GATM: variants seen among roughly 807,000 people sequenced by gnomAD.
GATM encodes glycine amidinotransferase.
Under a neutral mutation model 54.2 loss-of-function variants are expected in GATM, and 23 were observed. The ratio of observed to expected loss-of-function variants is 0.42; its 90% CI spans 0.31 to 0.60. GATM has a LOEUF of 0.60. Among genes scored for constraint, GATM ranks in the 20% least tolerant of loss-of-function variants. GATM has a pLI of 0.14. For synonymous variants in GATM, 168 were observed against 183.1 expected (o/e 0.92, Z 0.67); for missense variants, 401 against 544.9 (o/e 0.74, Z 2.63).
intron 3 of GATM, among the ~76,000 whole-genome samples, chr15:45,394,539 G>A (rs767198580): frequency 8.5e-5 from 13 of 152,236 alleles, no homozygotes; most frequent in Admixed American, 7.2e-4. Flanking sequence ...TCTGGGCGTA[G>A]TGTGTTTGCC....
chr15:45,373,585 A>G lies in GATM; in HGVS notation c.288+3016T>C, dbSNP rs868181620. 6.6e-5 allele frequency among the ~76,000 whole-genome samples: 10 copies of G among 152,228 alleles called. No homozygotes were observed. In the South Asian group the frequency reaches 2.1e-3, roughly 32 times the overall value. ...CAGAACAAAAAGTCACAGAGCTTTA[A>G]AAAATTATGCTTCCCAACAATTATG... On this transcript the variant is annotated intron_variant, in intron 2 of 8. Coordinates refer to ENST00000396659, the MANE Select transcript of GATM (RefSeq NM_001482.3).
At chr15:45,369,583 C>A in intron 2 of GATM, 62 bp from the exon 3 acceptor site, 1 of 1,427,298 alleles carries the variant, frequency 7.0e-7, no homozygotes. Context: ...ATGATAGGTT[C>A]ATAGGCAGTA....
At chr15:45,362,283 G>A in intron 8 of GATM, 62 bp from the exon 9 acceptor site, 1 of 1,023,112 alleles carries the variant, frequency 9.8e-7, no homozygotes, top group Non-Finnish European at 1.5e-6. Flanking sequence ...CATAGAGAAA[G>A]TAGGCCTACA....
chr15:45,369,513 T>A lies in GATM; in HGVS notation c.297A>T (p.Thr99=), dbSNP rs1445305823. 4 of 1,613,808 alleles carry A rather than the reference T, an allele frequency of 2.5e-6. No individual in the cohort carries two copies. The South Asian group carries it at 3.3e-5, about 13-fold the overall frequency. The part of the protein sequence containing the change: ...PPFTIEVKAN[T]YEKYWPFYQK... ...GGTAAAATGGCCAGTACTTTTCATA[T>A]GTGTTGGCCTGGAAGTAGAAGCAAA... Residue 99 remains threonine, a synonymous_variant, in exon 3 of 9, where the codon ACA becomes ACT. Coordinates refer to ENST00000396659, the MANE Select transcript of GATM (RefSeq NM_001482.3).
chr15:45,378,148 G>T, intron 1 of GATM: 1 of 470,738 alleles, frequency 2.1e-6, no homozygotes, highest in South Asian at 3.0e-5. Flanking sequence ...GACCCCAAGG[G>T]CTGGAGCCGC....
intron 2 of GATM, chr15:45,373,216 G>A (rs887105049): frequency 6.6e-6 from 1 of 152,156 alleles, no homozygotes; most frequent in African/African-American, 2.4e-5. Flanking sequence ...ACATATTTGA[G>A]GCTGGGCACG....
intron 8 of GATM, among the ~76,000 whole-genome samples, chr15:45,363,279 C>G (rs1566839096): frequency 6.6e-6 from 1 of 152,114 alleles, no homozygotes; most frequent in Non-Finnish European, 1.5e-5. Context: ...AATACACACA[C>G]ACACCCCTTT....
At chr15:45,377,422 C>G (rs1889657746) in intron 1 of GATM, 1 of 378,300 alleles carries the variant, frequency 2.6e-6, no homozygotes, top group Admixed American at 3.5e-5. Flanking sequence ...CAACTGCCAT[C>G]TGCTCCATTT....
intron 3 of GATM, among the ~76,000 whole-genome samples, chr15:45,389,482 T>A (rs1225865266): frequency 6.6e-6 from 1 of 152,254 alleles, no homozygotes. Flanking sequence ...CTTGCTCTGT[T>A]GCCCAGGCTG....
upstream of GATM, among the ~76,000 whole-genome samples, chr15:45,381,617 C>G (rs1456541707): frequency 1.3e-5 from 2 of 152,118 alleles, no homozygotes; most frequent in Non-Finnish European, 2.9e-5. Flanking sequence ...GAAGGTGTTC[C>G]TAGAACTTAA....
intron 2 of GATM, among the ~76,000 whole-genome samples, chr15:45,371,011 G>A (rs1458847810): frequency 6.6e-6 from 1 of 152,190 alleles, no homozygotes; most frequent in African/African-American, 2.4e-5. Context: ...CTGACCTCGT[G>A]ATCCACCCGC....
At chr15:45,370,940 A>ATT (rs1164994131) in intron 2 of GATM, among the ~76,000 whole-genome samples, 1 of 152,016 alleles carries the variant, frequency 6.6e-6, no homozygotes, top group Non-Finnish European at 1.5e-5. Context: ...CGCCCGGCTA[A>ATT]TTTTTTGTAT....
At chr15:45,382,588 T>C (rs1012254385), upstream of GATM, among the ~76,000 whole-genome samples, 1 of 146,906 alleles carries the variant, frequency 6.8e-6, no homozygotes, top group African/African-American at 2.5e-5. Flanking sequence ...CTTGAACCCA[T>C]CTGAGACCAG....
chr15:45,395,416 T>G (rs1050592393), intron 3 of GATM, among the ~76,000 whole-genome samples: 7 of 152,178 alleles, frequency 4.6e-5, no homozygotes, highest in Non-Finnish European at 7.3e-5. Flanking sequence ...TTTCTAGTAT[T>G]TGAGGAAACA....
At chr15:45,374,826 G>C (rs190383615) in intron 2 of GATM, among the ~76,000 whole-genome samples, 1 of 152,150 alleles carries the variant, frequency 6.6e-6, no homozygotes, top group East Asian at 1.9e-4. Flanking sequence ...TGAAGACCAC[G>C]ACAATGCTGT....
intron 4 of GATM, 108 bp downstream of exon 4, chr15:45,367,962 G>A (rs569869829): frequency 4.7e-5 from 41 of 866,310 alleles, no homozygotes; most frequent in Admixed American, 2.0e-4. Context: ...TGATGTTTTC[G>A]GTTTCTAAAA....
At chr15:45,365,919 A>C in intron 6 of GATM, 127 bp downstream of exon 6, 1 of 850,476 alleles carries the variant, frequency 1.2e-6, no homozygotes, top group South Asian at 1.4e-5. Context: ...TGATCATAAT[A>C]ATGTTGAGTA....
In GATM at chr15:45,369,403, G is replaced by A. The variant is rs148564534; in HGVS notation, c.407C>T (p.Thr136Met). The change falls in exon 3 of 9, where the codon ACG becomes ATG. Residue 136 changes from threonine to methionine, a missense_variant. Coordinates refer to ENST00000396659, the MANE Select transcript of GATM (RefSeq NM_001482.3). ...AGGCCTCCTTACTGTCACTCCTTCC[G>A]TTTTTAAAATATTGCACATTTCTTC... ...EIEEMCNILK[T>M]EGVTVRRPDP... The A allele has an allele frequency of 5.9e-4, 947 of 1,613,932 alleles. 5 individuals carry two copies. The highest frequency in any genetic ancestry group is 7.4e-4 in the Non-Finnish European group (869 of 1,179,976).
intron 1 of GATM, chr15:45,377,259 A>G (rs763184860): frequency 1.0e-5 from 5 of 476,670 alleles, no homozygotes; most frequent in Non-Finnish European, 2.1e-5. Context: ...AAAGGTTACC[A>G]ATATTAGGCT....
Sources: gnomAD v4.1 joint callset for allele counts (sites outside exome capture counted in the v4.1 genomes callset) on GRCh38, gnomAD v4.1.1 for gene constraint, MANE v1.5 for transcripts, NCBI Gene and HGNC (gene_info 2026-07-23, HGNC 2026-07-21) for gene names.